Variants in DMXL1 observed in about 807,000 individuals in gnomAD.
DMXL1 encodes the protein Dmx like 1.
DMXL1 carries 99 observed loss-of-function variants against 319.2 expected under a neutral mutation model. That is an observed-to-expected ratio of 0.31 (90% CI 0.26 to 0.37). The LOEUF (loss-of-function observed/expected upper bound fraction) is 0.37. DMXL1 is among the 10% of genes least tolerant of loss of function. The pLI is 1.00. For missense variants in DMXL1, 3,745 were observed against 3,595.6 expected (o/e 1.04, Z -1.06); for synonymous variants, 1,385 against 1,235.2 (o/e 1.12, Z -2.54).
At chr5:119,102,106 A>G in intron 3 of DMXL1, 100 bp downstream of exon 3, 1 of 661,330 alleles carries the variant, frequency 1.5e-6, no homozygotes, top group South Asian at 2.1e-5. Context: ...TATTACTTAT[A>G]TACTGTAATT....
chr5:119,197,213 A>G (rs1284298092), intron 31 of DMXL1, among the ~76,000 whole-genome samples: 2 of 152,208 alleles, frequency 1.3e-5, no homozygotes, highest in Admixed American at 6.5e-5. Context: ...GTCTGATACA[A>G]ATTAAAGCAG....
Position 119,197,871 on chromosome 5 carries a change from A to G in DMXL1, c.7660A>G (p.Ser2554Gly), listed in dbSNP as rs200669120. 9 of 1,614,186 alleles carry G rather than the reference A, an allele frequency of 5.6e-6. No individual in the cohort carries two copies. Among genetic ancestry groups the G allele is most frequent in the African/African-American group, 2.7e-5 (2 of 75,062 alleles). ...HGGPPQNYIA[S>G]HTAEESLSAG... ...TGGGCCACCTCAAAATTATATCGCAAGTCATACCGCCGAAGAGAGTTTGTC... is the reference window on the plus strand; with the variant it reads ...TGGGCCACCTCAAAATTATATCGCAGGTCATACCGCCGAAGAGAGTTTGTC... The change falls in exon 32 of 44, where the codon AGT becomes GGT. Residue 2554 changes from serine (S) to glycine (G), a missense_variant. Physicochemically the swap from Ser to Gly is moderately conservative, Grantham distance 56. Coordinates refer to ENST00000539542, the MANE Select transcript of DMXL1 (RefSeq NM_001290321.3).
chr5:119,229,826 A>G (rs1205392303), intron 38 of DMXL1, among the ~76,000 whole-genome samples: 4 of 152,196 alleles, frequency 2.6e-5, no homozygotes, highest in East Asian at 1.9e-4. Flanking sequence ...TAGCAAATCT[A>G]TATCTTTCAT....
At chr5:119,197,408 G>A (rs73244806) in intron 31 of DMXL1, among the ~76,000 whole-genome samples, 5,987 of 152,244 alleles carry the variant, frequency 0.039, 399 homozygotes, top group African/African-American at 0.14. Flanking sequence ...TGTCTGGGCC[G>A]CATGCAGCCT....
At chr5:119,193,717 C>A in intron 29 of DMXL1, 111 bp from the exon 30 acceptor site, 1 of 1,042,114 alleles carries the variant, frequency 9.6e-7, no homozygotes, top group Non-Finnish European at 1.4e-6. Flanking sequence ...TTACTTAACT[C>A]TCTTATAATG....
At chr5:119,071,994 G>A (rs1444870548) in intron 1 of DMXL1, among the ~76,000 whole-genome samples, 1 of 151,998 alleles carries the variant, frequency 6.6e-6, no homozygotes, top group African/African-American at 2.4e-5. Context: ...CCATTCTATA[G>A]GTTCAAATTG....
chr5:119,158,343 A>G (rs188933253), intron 19 of DMXL1, among the ~76,000 whole-genome samples: 1 of 151,712 alleles, frequency 6.6e-6, no homozygotes, highest in African/African-American at 2.4e-5. Context: ...TTCATGTTTA[A>G]TGTAGTTGTT....
chr5:119,121,767 A>C (rs1406322329), intron 9 of DMXL1, among the ~76,000 whole-genome samples: 7 of 152,208 alleles, frequency 4.6e-5, no homozygotes, highest in African/African-American at 1.7e-4. Context: ...CGCCATTGTC[A>C]TCCTGGCCCG....
chr5:119,196,846 C>T (rs1189973796), intron 31 of DMXL1, among the ~76,000 whole-genome samples: 1 of 152,078 alleles, frequency 6.6e-6, no homozygotes, highest in Non-Finnish European at 1.5e-5. Context: ...AGTGATTCTG[C>T]TATGAACTAT....
At chr5:119,150,751 T>C (rs1342565569) in intron 18 of DMXL1, among the ~76,000 whole-genome samples, 1 of 151,916 alleles carries the variant, frequency 6.6e-6, no homozygotes, top group African/African-American at 2.4e-5. Context: ...ATTGTGCCAC[T>C]GCACTACAGC....
chr5:119,241,154 A>T (rs1788713297), intron 42 of DMXL1, among the ~76,000 whole-genome samples: 2 of 152,182 alleles, frequency 1.3e-5, no homozygotes, highest in Admixed American at 1.3e-4. Flanking sequence ...AAAAAAGAAA[A>T]TGTTATGAAA....
intron 18 of DMXL1, among the ~76,000 whole-genome samples, chr5:119,150,643 T>C (rs892072187): frequency 6.6e-6 from 1 of 151,706 alleles, no homozygotes; most frequent in Non-Finnish European, 1.5e-5. Context: ...CAAAAAAAAA[T>C]TAGCCAGATA....
chr5:119,091,921 C>G (rs1754883521), intron 1 of DMXL1, among the ~76,000 whole-genome samples: 1 of 152,210 alleles, frequency 6.6e-6, no homozygotes, highest in Admixed American at 6.5e-5. Flanking sequence ...TTGTTTCTCC[C>G]TGTCCTCAGA....
At position 119,189,799 on chromosome 5, in the gene DMXL1, C is replaced by G. The variant is rs1289487688; in HGVS notation, c.7227C>G (p.Ser2409=). ...SCRESAPLTP[S]SAPVSQESLA... ...GAGAATCTGCCCCACTGACCCCTTCCTCGGCACCAGTAAGCCAGGAGTCAC... is the reference window on the plus strand; with the variant it reads ...GAGAATCTGCCCCACTGACCCCTTCGTCGGCACCAGTAAGCCAGGAGTCAC... Residue 2409 remains serine, a synonymous_variant, in exon 29 of 44, where the codon TCC becomes TCG. Coordinates refer to ENST00000539542, the MANE Select transcript of DMXL1 (RefSeq NM_001290321.3). 3.1e-6 allele frequency: 5 copies of G among 1,614,032 alleles called. No homozygotes were observed. In the African/African-American group the frequency reaches 6.7e-5, roughly 22 times the overall value.
chr5:119,170,076 A>G, intron 23 of DMXL1, 114 bp from the exon 24 acceptor site: 2 of 1,100,462 alleles, frequency 1.8e-6, no homozygotes, highest in Non-Finnish European at 2.5e-6. Context: ...TATTAGTAAA[A>G]TTTTGTCAAA....
At chr5:119,112,454 C>T (rs1759849651) in intron 5 of DMXL1, among the ~76,000 whole-genome samples, 1 of 152,080 alleles carries the variant, frequency 6.6e-6, no homozygotes, top group African/African-American at 2.4e-5. Flanking sequence ...AACCAGTAAA[C>T]TGGTGTAACA....
chr5:119,246,132 TA>T (rs968328543), intron 43 of DMXL1, among the ~76,000 whole-genome samples: 21 of 152,362 alleles, frequency 1.4e-4, no homozygotes, highest in African/African-American at 5.0e-4. Flanking sequence ...CAGGCACATT[TA>T]TTTTGATAAG....
intron 1 of DMXL1, 69 bp from the exon 2 acceptor site, chr5:119,097,910 A>G: frequency 3.1e-6 from 4 of 1,276,640 alleles, no homozygotes; most frequent in Non-Finnish European, 3.2e-6. Flanking sequence ...CATGATAGTT[A>G]ATACTAGTAT....
intron 1 of DMXL1, among the ~76,000 whole-genome samples, chr5:119,082,020 T>TATATATATACACACACACACAC (rs1200957102): frequency 9.2e-6 from 1 of 108,164 alleles, no homozygotes; most frequent in African/African-American, 4.2e-5. Context: ...TATATATATA[T>TATATATATACACACACACACAC]ACACACACAC....
Sources: gnomAD v4.1 joint callset for allele counts (sites outside exome capture counted in the v4.1 genomes callset) on GRCh38, gnomAD v4.1.1 for gene constraint, MANE v1.5 for transcripts, NCBI Gene and HGNC (gene_info 2026-07-23, HGNC 2026-07-21) for gene names.